Variants in SNX27 observed in about 807,000 individuals in gnomAD.
SNX27 encodes sorting nexin-27.
A neutral mutation model predicts 71.6 loss-of-function variants in SNX27; 22 were observed. The ratio of observed to expected loss-of-function variants is 0.31; its 90% CI spans 0.22 to 0.44. SNX27 has a LOEUF of 0.44. Ranked by LOEUF, SNX27 falls within the 20% of genes least tolerant of loss-of-function variation. The pLI is 1.00. For synonymous variants in SNX27, 269 were observed against 277.2 expected (o/e 0.97, Z 0.29); for missense variants, 531 against 698.6 (o/e 0.76, Z 2.70).
At position 151,665,854 on chromosome 1, in the gene SNX27, C is replaced by G; in HGVS notation, c.907-79C>G. 2.5e-6 allele frequency: 3 copies of G among 1,195,392 alleles called. No individual in the cohort carries two copies. In the South Asian group the frequency reaches 4.3e-5, roughly 17 times the overall value. The allele number at this position is 1,195,392 out of a possible 1,614,324, so 74.0% of individuals were successfully genotyped here. ...CAGAACCTCTCCCCTTTCCCTCCTC[C>G]ACAGACATACACCTGCTTTTTCCTA... On this transcript the variant is annotated intron_variant, in intron 5 of 11. Coordinates refer to ENST00000458013, the MANE Select transcript of SNX27 (RefSeq NM_001330723.2).
chr1:151,695,688 G>A lies in SNX27; in HGVS notation c.*1271G>A, dbSNP rs1249577993. The A allele has an allele frequency of 6.6e-6, 1 of 152,290 alleles. No homozygotes were observed. Among genetic ancestry groups the A allele is most frequent in the Admixed American group, 6.5e-5 (1 of 15,268 alleles). The allele number at this position is 152,290 out of a possible 1,614,324, so 9.4% of individuals were successfully genotyped here. On this transcript the variant is annotated 3_prime_UTR_variant, in exon 12 of 12. Transcript: ENST00000458013. ...GATCCTCTTGTCTCAGCCTCCCAAA[G>A]TGCTGGGATTACAGGCATGAGCCAC...
intron 8 of SNX27, among the ~76,000 whole-genome samples, chr1:151,687,167 CAT>C (rs569996791): frequency 3.5e-4 from 53 of 152,338 alleles, no homozygotes; most frequent in East Asian, 1.7e-3. Flanking sequence ...AAACAGTAGA[CAT>C]GTGTAAATTA....
At chr1:151,613,598 A>G (rs1385716923) in intron 1 of SNX27, among the ~76,000 whole-genome samples, 2 of 151,394 alleles carry the variant, frequency 1.3e-5, no homozygotes, top group Non-Finnish European at 2.9e-5. Flanking sequence ...CTGCTGCTGC[A>G]GCCCACCCTC....
At position 151,697,658 on chromosome 1, in the gene SNX27, T is replaced by C. The variant is rs1048116224; in HGVS notation, c.*3241T>C. On this transcript the variant is annotated 3_prime_UTR_variant, in exon 12 of 12. Coordinates refer to ENST00000458013, the MANE Select transcript of SNX27 (RefSeq NM_001330723.2). ...CGTGGATCCCATAGGATCAAGCCCT[T>C]CTTTGCATGAAGCAGTGTTGTGACT... 2 of 152,866 alleles carry C rather than the reference T, an allele frequency of 1.3e-5. No individual in the cohort carries two copies. Among genetic ancestry groups the C allele is most frequent in the African/African-American group, 4.8e-5 (2 of 41,462 alleles). The allele number at this position is 152,866 out of a possible 1,614,324, so 9.5% of individuals were successfully genotyped here.
At chr1:151,693,294 A>G in intron 10 of SNX27, 130 bp from the exon 11 acceptor site, 1 of 1,023,964 alleles carries the variant, frequency 9.8e-7, no homozygotes, top group South Asian at 1.4e-5. Context: ...CCTGGGTTTT[A>G]TGGTACTTGT....
chr1:151,651,896 C>T (rs1355028032), intron 2 of SNX27, among the ~76,000 whole-genome samples: 1 of 152,016 alleles, frequency 6.6e-6, no homozygotes, highest in Non-Finnish European at 1.5e-5. Context: ...CGCCACTGCA[C>T]TCCAGCCTGG....
chr1:151,651,035 C>G (rs1669315807), intron 2 of SNX27, among the ~76,000 whole-genome samples: 1 of 152,112 alleles, frequency 6.6e-6, no homozygotes, highest in Non-Finnish European at 1.5e-5. Flanking sequence ...TCCGATTTCT[C>G]AATCTTTTCC....
intron 5 of SNX27, among the ~76,000 whole-genome samples, chr1:151,663,694 C>T (rs1276322997): frequency 4.6e-5 from 7 of 152,032 alleles, no homozygotes; most frequent in Non-Finnish European, 7.4e-5. Flanking sequence ...TTTGATAATA[C>T]TTCATAATTG....
At chr1:151,679,793 G>A (rs1607933) in intron 7 of SNX27, 29,013 of 152,106 alleles carry the variant, frequency 0.19, 3,128 homozygotes, top group Middle Eastern at 0.34. Flanking sequence ...TTGAGAAGTT[G>A]GGGGAAGAGG....
At chr1:151,619,305 A>G (rs989877383) in intron 1 of SNX27, among the ~76,000 whole-genome samples, 3 of 152,188 alleles carry the variant, frequency 2.0e-5, no homozygotes, top group African/African-American at 7.2e-5. Context: ...CACATCACTG[A>G]CCTCAAGCCT....
At chr1:151,691,380 CAG>C (rs1671432684) in intron 8 of SNX27, among the ~76,000 whole-genome samples, 1 of 151,870 alleles carries the variant, frequency 6.6e-6, no homozygotes, top group Non-Finnish European at 1.5e-5. Flanking sequence ...TCAGACTAAA[CAG>C]AATTGTGAGA....
At chr1:151,679,923 A>C (rs899849670) in intron 7 of SNX27, 2 of 152,180 alleles carry the variant, frequency 1.3e-5, no homozygotes, top group Non-Finnish European at 2.9e-5. Context: ...ATTTAGAATT[A>C]TGGAGGGATT....
chr1:151,642,644 T>C (rs1186541118), intron 2 of SNX27, among the ~76,000 whole-genome samples: 1 of 151,892 alleles, frequency 6.6e-6, no homozygotes, highest in Non-Finnish European at 1.5e-5. Context: ...TATTTATTTA[T>C]TATTAGTTTT....
At chr1:151,656,610 A>C (rs1465642986) in intron 2 of SNX27, among the ~76,000 whole-genome samples, 2 of 152,254 alleles carry the variant, frequency 1.3e-5, no homozygotes, top group African/African-American at 4.8e-5. Context: ...CAGTTCACTC[A>C]GGGTTGTACT....
At chr1:151,653,784 G>T (rs1227922733) in intron 2 of SNX27, among the ~76,000 whole-genome samples, 1 of 151,238 alleles carries the variant, frequency 6.6e-6, no homozygotes, top group Admixed American at 6.6e-5. Context: ...GCCTCCCAAA[G>T]TGCTGGGATT....
At chr1:151,629,504 T>C (rs987247160) in intron 1 of SNX27, 12 of 150,982 alleles carry the variant, frequency 7.9e-5, no homozygotes, top group Non-Finnish European at 1.3e-4. Context: ...TGCGTATATA[T>C]ATACATATAT....
At chr1:151,692,348 C>T in intron 8 of SNX27, 87 bp from the exon 9 acceptor site, 7 of 1,400,590 alleles carry the variant, frequency 5.0e-6, no homozygotes, top group Non-Finnish European at 6.5e-6. Flanking sequence ...TGCACCACAT[C>T]TCAATAGCTC....
At chr1:151,626,204 G>C (rs188013217) in intron 1 of SNX27, among the ~76,000 whole-genome samples, 133 of 150,712 alleles carry the variant, frequency 8.8e-4, no homozygotes, top group African/African-American at 3.0e-3. Context: ...AAGGATTTGA[G>C]AAGTAAAGCT....
intron 1 of SNX27, among the ~76,000 whole-genome samples, chr1:151,617,036 T>C (rs1667452680): frequency 6.6e-6 from 1 of 152,140 alleles, no homozygotes; most frequent in Admixed American, 6.6e-5. Context: ...AGTAATGAGC[T>C]AAGGTTATAC....
Sources: gnomAD v4.1 joint callset for allele counts (sites outside exome capture counted in the v4.1 genomes callset) on GRCh38, gnomAD v4.1.1 for gene constraint, MANE v1.5 for transcripts, NCBI Gene and HGNC (gene_info 2026-07-23, HGNC 2026-07-21) for gene names.